ANKS1B: variants seen among roughly 807,000 people sequenced by gnomAD.
The protein encoded by ANKS1B is ankyrin repeat and sterile alpha motif domain-containing protein 1B.
ANKS1B carries 36 observed loss-of-function variants against 148.3 expected under a neutral mutation model. The observed-to-expected ratio is 0.24, with a 90% CI of 0.19 to 0.32. The LOEUF (loss-of-function observed/expected upper bound fraction) is 0.32, where lower values mean the gene tolerates loss of function less well. Ranked by LOEUF, ANKS1B falls within the 10% of genes least tolerant of loss-of-function variation. The pLI, the probability that ANKS1B is intolerant of heterozygous loss-of-function variation, is 1.00. For synonymous variants in ANKS1B, 542 were observed against 560.8 expected (o/e 0.97, Z 0.47); for missense variants, 1,157 against 1,542.6 (o/e 0.75, Z 4.19).
At chr12:99,642,465 G>A (rs1474496964) in intron 9 of ANKS1B, among the ~76,000 whole-genome samples, 20 of 152,266 alleles carry the variant, frequency 1.3e-4, no homozygotes, top group African/African-American at 4.8e-4. Context: ...AAGTTTAAAA[G>A]ACATTTCACA....
At chr12:99,133,738 G>A (rs2066957998) in intron 15 of ANKS1B, among the ~76,000 whole-genome samples, 1 of 152,206 alleles carries the variant, frequency 6.6e-6, no homozygotes, top group East Asian at 1.9e-4. Context: ...ACTCCGGGCT[G>A]TCTCTTTGCA....
chr12:99,006,515 T>C (rs2099936228), intron 17 of ANKS1B, among the ~76,000 whole-genome samples: 1 of 152,184 alleles, frequency 6.6e-6, no homozygotes, highest in South Asian at 2.1e-4. Flanking sequence ...CTGTGCTAGG[T>C]GCAATGCCAA....
chr12:99,582,520 G>T (rs898985428), intron 9 of ANKS1B, among the ~76,000 whole-genome samples: 1 of 152,100 alleles, frequency 6.6e-6, no homozygotes, highest in African/African-American at 2.4e-5. Context: ...CAATGAAAGG[G>T]ACAGACAACT....
chr12:99,718,242 G>C (rs2057661696), intron 8 of ANKS1B, among the ~76,000 whole-genome samples: 1 of 152,034 alleles, frequency 6.6e-6, no homozygotes, highest in African/African-American at 2.4e-5. Context: ...ATCCCCACCT[G>C]CCCAGTTCCC....
intron 15 of ANKS1B, among the ~76,000 whole-genome samples, chr12:99,143,078 A>C (rs1566412468): frequency 6.6e-6 from 1 of 152,140 alleles, no homozygotes; most frequent in Non-Finnish European, 1.5e-5. Flanking sequence ...ATCTCCCTTA[A>C]GACTTTGGAA....
intron 1 of ANKS1B, among the ~76,000 whole-genome samples, chr12:99,982,711 T>C (rs1359510850): frequency 6.6e-6 from 1 of 152,218 alleles, no homozygotes; most frequent in Non-Finnish European, 1.5e-5. Flanking sequence ...GAGAAGATTA[T>C]TTAACAAGGG....
chr12:99,711,871 AT>A (rs1283452758), intron 8 of ANKS1B, among the ~76,000 whole-genome samples: 1 of 152,202 alleles, frequency 6.6e-6, no homozygotes, highest in African/African-American at 2.4e-5. Flanking sequence ...AATATAAATC[AT>A]TCTGTCATAA....
At chr12:99,493,814 G>A (rs2096577429) in intron 10 of ANKS1B, among the ~76,000 whole-genome samples, 1 of 152,148 alleles carries the variant, frequency 6.6e-6, no homozygotes, top group Admixed American at 6.5e-5. Context: ...ATATTAAGTA[G>A]ATATACAAGT....
At chr12:98,781,623 T>C (rs914789109) in intron 23 of ANKS1B, 3 of 362,554 alleles carry the variant, frequency 8.3e-6, no homozygotes, top group Non-Finnish European at 5.4e-6. Flanking sequence ...ACAAAATATA[T>C]GCACCCCCCC....
chr12:99,678,324 G>A (rs1280025884), intron 8 of ANKS1B, among the ~76,000 whole-genome samples: 1 of 152,146 alleles, frequency 6.6e-6, no homozygotes, highest in Admixed American at 6.5e-5. Context: ...AGTCCCTGGT[G>A]TGGCTACTTT....
At chr12:99,610,257 TG>T (rs2097889693) in intron 9 of ANKS1B, among the ~76,000 whole-genome samples, 1 of 152,064 alleles carries the variant, frequency 6.6e-6, no homozygotes. Flanking sequence ...GAAGTGTGAT[TG>T]GGCAAAAAGG....
intron 9 of ANKS1B, among the ~76,000 whole-genome samples, chr12:99,550,468 A>G (rs1379943049): frequency 1.3e-5 from 2 of 152,074 alleles, no homozygotes; most frequent in Non-Finnish European, 2.9e-5. Context: ...TACTAAAAAT[A>G]TACAAGTTAG....
At chr12:99,879,114 A>G (rs928249622) in intron 1 of ANKS1B, among the ~76,000 whole-genome samples, 14 of 152,180 alleles carry the variant, frequency 9.2e-5, no homozygotes, top group African/African-American at 3.4e-4. Context: ...AAGCTTTACT[A>G]AAGGACAATC....
At chr12:99,054,210 A>G (rs1371737119) in intron 16 of ANKS1B, among the ~76,000 whole-genome samples, 1 of 152,160 alleles carries the variant, frequency 6.6e-6, no homozygotes, top group Non-Finnish European at 1.5e-5. Flanking sequence ...GAGAGCTGGC[A>G]CCTCATCAAC....
chr12:98,747,626 A>G (rs910705817), intron 26 of ANKS1B, among the ~76,000 whole-genome samples: 22 of 152,270 alleles, frequency 1.4e-4, no homozygotes, highest in African/African-American at 4.8e-4. Context: ...AAGAAAAGAA[A>G]TCAGTATATC....
chr12:98,808,956 T>C (rs1222643928), intron 19 of ANKS1B, among the ~76,000 whole-genome samples: 1 of 152,180 alleles, frequency 6.6e-6, no homozygotes, highest in Non-Finnish European at 1.5e-5. Flanking sequence ...CAAAGAACTG[T>C]ATCATCAGCA....
chr12:99,846,719 T>C (rs2086725748), intron 1 of ANKS1B, among the ~76,000 whole-genome samples: 1 of 152,124 alleles, frequency 6.6e-6, no homozygotes, highest in South Asian at 2.1e-4. Flanking sequence ...TTTACAAACA[T>C]AGTGCCATGA....
At chr12:98,889,122 T>A (rs1362697147) in intron 17 of ANKS1B, among the ~76,000 whole-genome samples, 1 of 152,220 alleles carries the variant, frequency 6.6e-6, no homozygotes, top group African/African-American at 2.4e-5. Context: ...ACAAATTCAA[T>A]ATCAAGCCTA....
At chr12:99,115,469 A>G (rs1224024428) in intron 15 of ANKS1B, among the ~76,000 whole-genome samples, 2 of 152,148 alleles carry the variant, frequency 1.3e-5, no homozygotes, top group African/African-American at 4.8e-5. Context: ...GGCCTCCTTG[A>G]GGGTGATGGT....
Sources: allele counts gnomAD v4.1 joint callset (sites outside exome capture counted in the v4.1 genomes callset), GRCh38; gene constraint gnomAD v4.1.1; transcripts MANE v1.5; gene names NCBI Gene and HGNC (gene_info 2026-07-23, HGNC 2026-07-21).